The following DEPDC1 variants were observed in gnomAD, a reference collection of about 807,000 sequenced individuals.
DEPDC1 encodes DEP domain containing 1, also known as DEP domain-containing protein 1A.
A neutral mutation model predicts 86.8 loss-of-function variants in DEPDC1; 66 were observed. The observed-to-expected ratio is 0.76, with a 90% CI of 0.62 to 0.93. DEPDC1 has a LOEUF of 0.93. DEPDC1 is among the 40% of genes least tolerant of loss of function. The probability of loss-of-function intolerance (pLI) is 0.00; values close to 1 mark genes in which losing one functional copy is unlikely to be tolerated. For missense variants in DEPDC1, 792 were observed against 935.7 expected (o/e 0.85, Z 2.00); for synonymous variants, 255 against 314.9 (o/e 0.81, Z 2.02).
At chr1:68,481,940 G>T in intron 8 of DEPDC1, 106 bp downstream of exon 8, 1 of 1,163,776 alleles carries the variant, frequency 8.6e-7, no homozygotes, top group Non-Finnish European at 1.2e-6. Context: ...TCCTCTTGGA[G>T]GAAAAAAAAT....
rs750535828 is a variant in DEPDC1 at position 68,489,575 on chromosome 1, T to C, written c.348A>G (p.Pro116=). Residue 116 remains proline (P), a synonymous_variant, in exon 3 of 12, where the codon CCA becomes CCG. Transcript: ENST00000456315. ...FPATSPLKTL[P]RRYPELRKNN... is the part of the protein sequence containing the mutation. ...TTTTTCTCAATTCTGGATACCTTCG[T>C]GGTAGAGTTTTAAGTGGCGAAGTTG... 1 of 1,541,822 alleles carries C rather than the reference T, an allele frequency of 6.5e-7. No homozygotes were observed. Among genetic ancestry groups the C allele is most frequent in the Non-Finnish European group, 8.7e-7 (1 of 1,155,146 alleles).
intron 10 of DEPDC1, among the ~76,000 whole-genome samples, chr1:68,478,885 A>G (rs901397986): frequency 6.6e-5 from 10 of 152,038 alleles, no homozygotes; most frequent in African/African-American, 2.4e-4. Context: ...GTAAGGCTCT[A>G]ACTCATGAAC....
rs767388986 is a variant in DEPDC1 at position 68,496,918 on chromosome 1, C to A, written c.48+34G>T. The A allele has an allele frequency of 1.9e-6, 3 of 1,607,034 alleles. No individual in the cohort carries two copies. The highest frequency in any genetic ancestry group is 8.5e-7 in the Non-Finnish European group (1 of 1,176,016). The stretch of plus-strand genomic sequence containing the variant: ...CGAACAGTGGTGACTGCCGTCAGCC[C>A]GCTGACCGGTCCCGTCTATCCGAGC... On this transcript the variant is annotated intron_variant, in intron 1 of 11. Coordinates refer to ENST00000456315, the MANE Select transcript of DEPDC1 (RefSeq NM_001114120.3). The surrounding 1 kb of genome is among the most constrained non-coding windows in gnomAD (Gnocchi z 4.0).
intron 11 of DEPDC1, among the ~76,000 whole-genome samples, 187 bp downstream of exon 11, chr1:68,477,600 A>G (rs556387256): frequency 2.0e-5 from 3 of 151,976 alleles, no homozygotes; most frequent in Non-Finnish European, 4.4e-5. Flanking sequence ...TAAAGAGCAA[A>G]ATCAGGTAGG....
At chr1:68,482,981 A>G (rs1416133226) in intron 7 of DEPDC1, 84 bp from the exon 8 acceptor site, 1 of 1,370,278 alleles carries the variant, frequency 7.3e-7, no homozygotes, top group Non-Finnish European at 9.9e-7. Flanking sequence ...AAGTTAAAAA[A>G]TAAAGCATTA....
chr1:68,486,824 T>G, intron 6 of DEPDC1, 113 bp downstream of exon 6: 3 of 1,140,682 alleles, frequency 2.6e-6, no homozygotes, highest in Non-Finnish European at 3.4e-6. Context: ...ATGATATACT[T>G]TAATTTTATC....
In DEPDC1 at chr1:68,481,578, G is replaced by T. The variant is rs749231942; in HGVS notation, c.1797C>A (p.Ile599=). The T allele has an allele frequency of 1.9e-6, 3 of 1,608,276 alleles. No homozygotes were observed. Among genetic ancestry groups the T allele is most frequent in the Middle Eastern group, 3.3e-4 (2 of 6,046 alleles). ...LLQPHLERVA[I]DALQLCCLLL... is the part of the protein sequence containing the mutation. ...ACAAACAACATAACTGTAGAGCATC[G>T]ATGGCAACCCTCTCTAAATGAGGTT... The change falls in exon 9 of 12, where the codon ATC becomes ATA. Residue 599 remains isoleucine, a synonymous_variant. Transcript: ENST00000456315.
Position 68,477,990 on chromosome 1 carries a change from A to G in DEPDC1, c.2113-18T>C, listed in dbSNP as rs554114561. ...TTTTCAATCTGTAGTGATCAAAATG[A>G]TATAACTCTGTTAATTCTGGTCATG... On this transcript the variant is annotated intron_variant, in intron 10 of 11. Coordinates refer to ENST00000456315, the MANE Select transcript of DEPDC1 (RefSeq NM_001114120.3). 664 of 1,477,936 alleles carry G rather than the reference A, an allele frequency of 4.5e-4. 11 individuals carry two copies. In the South Asian group the frequency reaches 9.3e-3, roughly 21 times the overall value. 91.6% of individuals were successfully genotyped at this position (1,477,936 alleles called of 1,614,324 possible).
chr1:68,494,524 G>C lies in DEPDC1; in HGVS notation c.220C>G (p.Gln74Glu). The C allele has an allele frequency of 1.9e-6, 3 of 1,613,492 alleles. No homozygotes were observed. The highest frequency in any genetic ancestry group is 2.5e-6 in the Non-Finnish European group (3 of 1,179,682). The stretch of plus-strand genomic sequence containing the variant: ...TTCTTAAGAAATTTCCTCAACAGTT[G>C]GATAGTCTGTTGCCTTGTAACTTCA... ...GPEVTRQQTI[Q>E]LLRKFLKNHV... Residue 74 changes from glutamine (Q) to glutamate (E), a missense_variant, in exon 2 of 12, where the codon CAA becomes GAA. Coordinates refer to ENST00000456315, the MANE Select transcript of DEPDC1 (RefSeq NM_001114120.3).
In DEPDC1 at chr1:68,484,120, A is replaced by G. The variant is rs753875670; in HGVS notation, c.770-30T>C. 6 of 1,470,996 alleles carry G rather than the reference A, an allele frequency of 4.1e-6. No individual in the cohort carries two copies. In the South Asian group the frequency reaches 6.8e-5, roughly 17 times the overall value. The allele number at this position is 1,470,996 out of a possible 1,614,324, so 91.1% of individuals were successfully genotyped here. ...GAAGTAGAAGGCAAGAGAAAAAGGTAAAGTATATTTTAATTTAAATACAAT... is the reference window on the plus strand; with the variant it reads ...GAAGTAGAAGGCAAGAGAAAAAGGTGAAGTATATTTTAATTTAAATACAAT... On this transcript the variant is annotated intron_variant, in intron 6 of 11. Coordinates refer to ENST00000456315, the MANE Select transcript of DEPDC1 (RefSeq NM_001114120.3).
intron 4 of DEPDC1, 139 bp downstream of exon 4, chr1:68,488,777 T>C: frequency 1.4e-6 from 1 of 705,336 alleles, no homozygotes; most frequent in Non-Finnish European, 2.5e-6. Context: ...CAAGAGTATT[T>C]ATTTAAAAAC....
Position 68,474,486 on chromosome 1 carries a change from A to G in DEPDC1, c.*2446T>C, listed in dbSNP as rs1646101737. The G allele has an allele frequency of 6.6e-6, 1 of 152,084 alleles. No homozygotes were observed. Among genetic ancestry groups the G allele is most frequent in the African/African-American group, 2.4e-5 (1 of 41,428 alleles). The allele number at this position is 152,084 out of a possible 1,614,324, so 9.4% of individuals were successfully genotyped here. A position where few individuals can be genotyped will look rare whatever the true frequency, so the allele number is the denominator to read the frequency against. On this transcript the variant is annotated 3_prime_UTR_variant, in exon 12 of 12. Transcript: ENST00000456315. Reference sequence around the variant, plus strand: ...AGATATTAGGGATGGTGGAGGCAGTAATTTCTGGGATAAGAACTATAATTT... The same window carrying G: ...AGATATTAGGGATGGTGGAGGCAGTGATTTCTGGGATAAGAACTATAATTT...
intron 2 of DEPDC1, among the ~76,000 whole-genome samples, chr1:68,490,139 T>TATAA (rs1415605007): frequency 6.6e-6 from 1 of 152,214 alleles, no homozygotes; most frequent in Non-Finnish European, 1.5e-5. Context: ...ACTTTTATTT[T>TATAA]AAGTTCAGGG....
chr1:68,477,685 C>A (rs919271886), intron 11 of DEPDC1, 102 bp downstream of exon 11: 25 of 817,472 alleles, frequency 3.1e-5, no homozygotes, highest in Admixed American at 3.4e-5. Flanking sequence ...AACTTAAAAT[C>A]TAAAATATTA....
rs1306641377 is a variant in DEPDC1 at position 68,482,729 on chromosome 1, T to A, written c.1079A>T (p.Asp360Val). 11 of 1,612,630 alleles carry A rather than the reference T, an allele frequency of 6.8e-6. No individual in the cohort carries two copies. The South Asian group carries it at 9.9e-5, about 15-fold the overall frequency. ...LHREKNKEES[D>V]STERLQISNP... ...GCTTATCTGTAGTCTCTCAGTAGAATCTGATTCTTCTTTGTTTTTTTCTCT... is the reference window on the plus strand; with the variant it reads ...GCTTATCTGTAGTCTCTCAGTAGAAACTGATTCTTCTTTGTTTTTTTCTCT... The change falls in exon 8 of 12, where the codon GAT becomes GTT. Residue 360 changes from aspartate to valine, a missense_variant. Coordinates refer to ENST00000456315, the MANE Select transcript of DEPDC1 (RefSeq NM_001114120.3).
chr1:68,483,526 T>C (rs1646172443), intron 7 of DEPDC1: 1 of 327,240 alleles, frequency 3.1e-6, no homozygotes, highest in Non-Finnish European at 5.9e-6. Flanking sequence ...CTCTAAAACA[T>C]GCAGGCTGAG....
chr1:68,482,381 T>C lies in DEPDC1; in HGVS notation c.1427A>G (p.Gln476Arg). 6.2e-7 allele frequency: 1 copy of C among 1,612,832 alleles called. No homozygotes were observed. Among genetic ancestry groups the C allele is most frequent in the Non-Finnish European group, 8.5e-7 (1 of 1,179,268 alleles). The change falls in exon 8 of 12, where the codon CAA becomes CGA. Residue 476 changes from glutamine (Q) to arginine (R), a missense_variant. Coordinates refer to ENST00000456315, the MANE Select transcript of DEPDC1 (RefSeq NM_001114120.3). Reference protein sequence around the residue: ...LLNLHSEENIQKPFSAGFKRT... With the variant: ...LLNLHSEENIRKPFSAGFKRT... Reference sequence around the variant, plus strand: ...CTTAAAACCAGCACTGAATGGCTTTTGAATATTTTCCTCTGAATGAAGATT... The same window carrying C: ...CTTAAAACCAGCACTGAATGGCTTTCGAATATTTTCCTCTGAATGAAGATT...
Position 68,487,053 on chromosome 1 carries a change from CACTT to C in DEPDC1, c.722-73_722-70del, listed in dbSNP as rs977805869. 9 of 1,388,224 alleles carry C rather than the reference CACTT, an allele frequency of 6.5e-6. No individual in the cohort carries two copies. In the African/African-American group the frequency reaches 1.2e-4, roughly 18 times the overall value. 86.0% of individuals were successfully genotyped at this position (1,388,224 alleles called of 1,614,324 possible). On this transcript the variant is annotated intron_variant, in intron 5 of 11. Transcript: ENST00000456315. Reference sequence around the variant, plus strand: ...TATGATAGTATATTTTAAAATATCACACTTACGTGCAATTATATATATGTATATA... The same window carrying C: ...TATGATAGTATATTTTAAAATATCACACGTGCAATTATATATATGTATATA...
intron 5 of DEPDC1, 99 bp from the exon 6 acceptor site, chr1:68,487,083 C>T: frequency 4.4e-6 from 4 of 907,046 alleles, no homozygotes; most frequent in Non-Finnish European, 6.3e-6. Context: ...TATGTATATA[C>T]ACATACACAT....
Sources: allele counts gnomAD v4.1 joint callset (sites outside exome capture counted in the v4.1 genomes callset), GRCh38; gene constraint gnomAD v4.1.1; non-coding constraint Gnocchi (gnomAD v3.1); transcripts MANE v1.5; gene names NCBI Gene and HGNC (gene_info 2026-07-23, HGNC 2026-07-21).